Variants in SMARCA2 observed in about 807,000 individuals in gnomAD.
The protein encoded by SMARCA2 is SWI/SNF-related matrix-associated actin-dependent regulator of chromatin subfamily A member 2.
In SMARCA2, 61 loss-of-function variants were observed where a neutral mutation model predicts 199.8. The ratio of observed to expected loss-of-function variants is 0.31; its 90% CI spans 0.25 to 0.38. The LOEUF is 0.38. Ranked by LOEUF, SMARCA2 falls within the 10% of genes least tolerant of loss-of-function variation. The pLI is 1.00. For synonymous variants in SMARCA2, 935 were observed against 732.0 expected (o/e 1.28, Z -4.48); for missense variants, 1,344 against 2,012.2 (o/e 0.67, Z 6.35).
intron 14 of SMARCA2, 134 bp downstream of exon 14, chr9:2,077,910 CT>C: frequency 2.7e-6 from 2 of 740,866 alleles, no homozygotes; most frequent in South Asian, 3.8e-5. Context: ...ACTGAGGTTC[CT>C]TTCATTGTGC....
intron 19 of SMARCA2, among the ~76,000 whole-genome samples, chr9:2,089,735 G>A (rs1181094117): frequency 6.6e-6 from 1 of 152,166 alleles, no homozygotes; most frequent in East Asian, 1.9e-4. Context: ...CCTCTGGGTA[G>A]CACCCTTTCT....
In SMARCA2 at chr9:2,116,034, T is replaced by C; in HGVS notation, c.3669T>C (p.His1223=). Residue 1223 remains histidine, a synonymous_variant, in exon 25 of 34, where the codon CAT becomes CAC. Transcript: ENST00000349721. ...RRAFLQAILE[H]EEENEEEDEV... ...CATTCCTGCAGGCCATCTTGGAGCA[T>C]GAGGAGGAAAATGAGGTATTAGAGA... 2 of 1,613,560 alleles carry C rather than the reference T, an allele frequency of 1.2e-6. No individual in the cohort carries two copies. The highest frequency in any genetic ancestry group is 1.1e-5 in the South Asian group (1 of 91,032).
chr9:2,035,184 G>A (rs1819272003), intron 3 of SMARCA2, among the ~76,000 whole-genome samples: 1 of 151,960 alleles, frequency 6.6e-6, no homozygotes, highest in Non-Finnish European at 1.5e-5. Context: ...TGGGACTACA[G>A]GCGTGTGCCA....
chr9:2,099,989 A>T (rs1822439943), intron 21 of SMARCA2, among the ~76,000 whole-genome samples: 1 of 152,112 alleles, frequency 6.6e-6, no homozygotes, highest in African/African-American at 2.4e-5. Flanking sequence ...CCATCCTGTT[A>T]ATTTTGCCAC....
chr9:2,065,194 A>T (rs912956155), intron 9 of SMARCA2, among the ~76,000 whole-genome samples: 18 of 152,192 alleles, frequency 1.2e-4, no homozygotes, highest in African/African-American at 4.1e-4. Context: ...CAAAAAAAAA[A>T]GTCTAGCCAT....
chr9:2,063,037 T>C (rs1820673481), intron 9 of SMARCA2, among the ~76,000 whole-genome samples: 1 of 152,144 alleles, frequency 6.6e-6, no homozygotes, highest in Non-Finnish European at 1.5e-5. Context: ...TCTCACATGA[T>C]CAATGTGCAG....
chr9:2,142,977 T>TC, intron 27 of SMARCA2, among the ~76,000 whole-genome samples: 1 of 152,266 alleles, frequency 6.6e-6, no homozygotes, highest in African/African-American at 2.4e-5. Context: ...AAAATGATTT[T>TC]TTTTAAGTTC....
At position 2,171,826 on chromosome 9, in the gene SMARCA2, C is replaced by T. The variant is rs143633127; in HGVS notation, c.4253+1354C>T. ...CAGGAAACAGGGACAGGCAGGAGCTCCTTTCCCTCTTTGCCCTCTTCCATC... is the reference window on the plus strand; with the variant it reads ...CAGGAAACAGGGACAGGCAGGAGCTTCTTTCCCTCTTTGCCCTCTTCCATC... On this transcript the variant is annotated intron_variant, in intron 29 of 33. Transcript: ENST00000349721. Among the ~76,000 whole-genome samples, 851 of 152,306 alleles carry T rather than the reference C, an allele frequency of 5.6e-3. 6 individuals carry two copies. Among genetic ancestry groups the T allele is most frequent in the African/African-American group, 0.018 (750 of 41,576 alleles).
intron 5 of SMARCA2, among the ~76,000 whole-genome samples, chr9:2,053,512 C>T (rs1820216786): frequency 6.6e-6 from 1 of 152,142 alleles, no homozygotes; most frequent in Non-Finnish European, 1.5e-5. Flanking sequence ...CAGTTTTCCT[C>T]ATCAGCAAAA....
chr9:2,149,319 A>C (rs1408084815), intron 27 of SMARCA2, among the ~76,000 whole-genome samples: 2 of 127,320 alleles, frequency 1.6e-5, no homozygotes, highest in African/African-American at 5.0e-5. Flanking sequence ...GGAGTTCAAG[A>C]CCAGCCTGGC....
In SMARCA2 at chr9:2,161,608, T is replaced by A; in HGVS notation, c.3982-78T>A. 1.1e-6 allele frequency: 1 copy of A among 908,630 alleles called. No individual in the cohort carries two copies. Among genetic ancestry groups the A allele is most frequent in the Non-Finnish European group, 1.7e-6 (1 of 578,602 alleles). The allele number at this position is 908,630 out of a possible 1,614,324, so 56.3% of individuals were successfully genotyped here. A position where few individuals can be genotyped will look rare whatever the true frequency, so the allele number is the denominator to read the frequency against. On this transcript the variant is annotated intron_variant, in intron 27 of 33. Transcript: ENST00000349721. The surrounding 1 kb of genome is among the most constrained non-coding windows in gnomAD (Gnocchi z 4.7). ...CATTTTATTCTAATTGTTGGAGCTA[T>A]ATATAAATATACACATACTTTTTTT... is the stretch of plus-strand genomic sequence containing the variant.
intron 29 of SMARCA2, among the ~76,000 whole-genome samples, chr9:2,178,951 A>G (rs751675941): frequency 2.0e-5 from 3 of 152,184 alleles, no homozygotes; most frequent in Non-Finnish European, 2.9e-5. Flanking sequence ...AATAACACAC[A>G]TGGAAGAATT....
At chr9:2,154,909 G>A (rs917763186) in intron 27 of SMARCA2, among the ~76,000 whole-genome samples, 52 of 152,200 alleles carry the variant, frequency 3.4e-4, no homozygotes, top group African/African-American at 1.2e-3. Flanking sequence ...AGCGGATGGA[G>A]TTCCTGACTG....
At position 2,096,774 on chromosome 9, in the gene SMARCA2, G is replaced by C. The variant is rs17712152; in HGVS notation, c.2991+10G>C. 1 of 1,518,860 alleles carries C rather than the reference G, an allele frequency of 6.6e-7. No individual in the cohort carries two copies. 94.1% of individuals were successfully genotyped at this position (1,518,860 alleles called of 1,614,324 possible). A position where few individuals can be genotyped will look rare whatever the true frequency, so the allele number is the denominator to read the frequency against. On this transcript the variant is annotated intron_variant, in intron 20 of 33. Coordinates refer to ENST00000349721, the MANE Select transcript of SMARCA2 (RefSeq NM_003070.5). ...TGAGAAAGATAAGAAGGTACGTTGC[G>C]AAAGATGATGCAACTCAAGGTGCTG...
chr9:2,033,563 A>C (rs539114909), intron 3 of SMARCA2, among the ~76,000 whole-genome samples: 1 of 152,244 alleles, frequency 6.6e-6, no homozygotes, highest in Non-Finnish European at 1.5e-5. Context: ...CATTGTCTAT[A>C]AGGCAGCTTT....
chr9:2,175,209 A>G (rs913721798), intron 29 of SMARCA2, among the ~76,000 whole-genome samples: 3 of 152,176 alleles, frequency 2.0e-5, no homozygotes, highest in Non-Finnish European at 4.4e-5. Flanking sequence ...CAAGTGAGAA[A>G]GAGGGCAGAA....
intron 9 of SMARCA2, among the ~76,000 whole-genome samples, chr9:2,062,827 T>C (rs983506409): frequency 6.6e-6 from 1 of 152,130 alleles, no homozygotes; most frequent in Non-Finnish European, 1.5e-5. Flanking sequence ...TAGACTGATA[T>C]TAATCAGGGA....
Position 2,028,972 on chromosome 9 carries a change from T to C in SMARCA2, c.-36-15T>C, listed in dbSNP as rs1818948013. On this transcript the variant is annotated splice_polypyrimidine_tract_variant and intron_variant, in intron 1 of 33. Transcript: ENST00000349721. ...GTTTAAAACATGCCTTCCTTTTTTC[T>C]GCTTTTCAACTTAGCATTACTCTAC... The C allele has an allele frequency of 1.5e-5, 23 of 1,535,306 alleles. No homozygotes were observed. The highest frequency in any genetic ancestry group is 2.0e-5 in the Non-Finnish European group (23 of 1,142,848).
At chr9:2,065,007 AC>A (rs1323745147) in intron 9 of SMARCA2, among the ~76,000 whole-genome samples, 2 of 151,906 alleles carry the variant, frequency 1.3e-5, no homozygotes, top group African/African-American at 4.8e-5. Context: ...ACATGTTGAA[AC>A]CCCATCTCTA....
Sources: allele counts gnomAD v4.1 joint callset (sites outside exome capture counted in the v4.1 genomes callset), GRCh38; gene constraint gnomAD v4.1.1; non-coding constraint Gnocchi (gnomAD v3.1); transcripts MANE v1.5; gene names NCBI Gene and HGNC (gene_info 2026-07-23, HGNC 2026-07-21).